STPG2: variants seen among roughly 807,000 people sequenced by gnomAD.
STPG2 encodes sperm tail PG-rich repeat containing 2.
In STPG2, 56 loss-of-function variants were observed where a neutral mutation model predicts 54.2. The ratio of observed to expected loss-of-function variants is 1.03; its 90% CI spans 0.83 to 1.29. STPG2 has a LOEUF of 1.29. STPG2 is among the 50% of genes most tolerant of loss of function. STPG2 has a pLI of 0.00. For missense variants in STPG2, 596 were observed against 544.9 expected (o/e 1.09, Z -0.93); for synonymous variants, 200 against 181.8 (o/e 1.10, Z -0.81).
intron 9 of STPG2, among the ~76,000 whole-genome samples, chr4:97,840,178 A>T (rs1037915180): frequency 6.6e-6 from 1 of 151,564 alleles, no homozygotes; most frequent in Non-Finnish European, 1.5e-5. Flanking sequence ...ATTTGAAAAA[A>T]AATAAAAATA....
chr4:97,454,483 G>A (rs1395385033), intron 4 of STPG2, among the ~76,000 whole-genome samples: 17 of 120,292 alleles, frequency 1.4e-4, no homozygotes, highest in Non-Finnish European at 1.8e-4. Context: ...ACTGCAGTCC[G>A]CAGTCCGGCC....
chr4:97,768,662 C>G (rs1726129846), intron 9 of STPG2, among the ~76,000 whole-genome samples: 1 of 151,690 alleles, frequency 6.6e-6, no homozygotes, highest in African/African-American at 2.4e-5. Flanking sequence ...ACTGCACATT[C>G]TCATAGACTG....
At chr4:97,478,103 T>C (rs562265089) in intron 4 of STPG2, among the ~76,000 whole-genome samples, 10 of 152,298 alleles carry the variant, frequency 6.6e-5, no homozygotes, top group Admixed American at 2.0e-4. Context: ...AGGTTGCTGG[T>C]ATTTCTGCAT....
intron 8 of STPG2, among the ~76,000 whole-genome samples, chr4:97,872,350 A>G (rs1034337823): frequency 2.6e-5 from 4 of 151,244 alleles, no homozygotes; most frequent in African/African-American, 4.8e-5. Context: ...CACTGTATCT[A>G]TTTGCAAATT....
intron 5 of STPG2, among the ~76,000 whole-genome samples, chr4:98,077,458 G>C (rs1738208390): frequency 6.6e-6 from 1 of 152,106 alleles, no homozygotes; most frequent in Non-Finnish European, 1.5e-5. Flanking sequence ...GGATGGTCTG[G>C]ATCTCCTGAC....
intron 9 of STPG2, among the ~76,000 whole-genome samples, chr4:97,829,148 C>T (rs1220580151): frequency 6.6e-6 from 1 of 152,022 alleles, no homozygotes. Context: ...GGTGGGTGCC[C>T]CTCTGGGACG....
At chr4:98,040,902 C>T (rs1736933105) in intron 5 of STPG2, among the ~76,000 whole-genome samples, 1 of 151,238 alleles carries the variant, frequency 6.6e-6, no homozygotes, top group Non-Finnish European at 1.5e-5. Context: ...AATCTGTAGA[C>T]TGCTTTAAGA....
chr4:97,465,992 G>C (rs1729780008), intron 4 of STPG2, among the ~76,000 whole-genome samples: 1 of 151,928 alleles, frequency 6.6e-6, no homozygotes, highest in South Asian at 2.1e-4. Context: ...CTCATTTTTA[G>C]AGTTTAGGAA....
intron 3 of STPG2, among the ~76,000 whole-genome samples, chr4:98,118,704 C>G (rs1233912853): frequency 6.6e-6 from 1 of 152,086 alleles, no homozygotes; most frequent in Non-Finnish European, 1.5e-5. Context: ...AAAGAAGTGG[C>G]TGATTGCAAG....
intron 5 of STPG2, among the ~76,000 whole-genome samples, chr4:98,023,766 TGC>T (rs943455632): frequency 1.3e-5 from 2 of 152,242 alleles, no homozygotes; most frequent in African/African-American, 4.8e-5. Flanking sequence ...GCTGCCACCT[TGC>T]AGTTTGATCT....
intron 9 of STPG2, among the ~76,000 whole-genome samples, chr4:97,716,961 A>G (rs893280091): frequency 6.6e-6 from 1 of 152,172 alleles, no homozygotes; most frequent in Non-Finnish European, 1.5e-5. Context: ...GAAAGTTTAT[A>G]CATTTATGGA....
intron 10 of STPG2, among the ~76,000 whole-genome samples, chr4:97,598,897 G>T (rs1733377945): frequency 6.6e-6 from 1 of 151,924 alleles, no homozygotes; most frequent in Non-Finnish European, 1.5e-5. Flanking sequence ...AAAAGCAACT[G>T]CAACAACAAC....
At chr4:97,710,885 G>A (rs1724091403) in intron 10 of STPG2, among the ~76,000 whole-genome samples, 1 of 152,008 alleles carries the variant, frequency 6.6e-6, no homozygotes, top group Non-Finnish European at 1.5e-5. Context: ...CTACCTTGAA[G>A]TTCAGTAAAT....
At chr4:97,945,896 A>C (rs966474974) in intron 7 of STPG2, among the ~76,000 whole-genome samples, 2 of 151,998 alleles carry the variant, frequency 1.3e-5, no homozygotes, top group African/African-American at 4.8e-5. Flanking sequence ...CTATCTCTAC[A>C]AAAAACACAA....
chr4:98,071,450 A>G (rs1738000715), intron 5 of STPG2, among the ~76,000 whole-genome samples: 1 of 134,082 alleles, frequency 7.5e-6, no homozygotes, highest in Non-Finnish European at 1.6e-5. Flanking sequence ...TGAAAACCCA[A>G]AACTATAAAA....
intron 7 of STPG2, among the ~76,000 whole-genome samples, chr4:97,955,180 G>C (rs1560608120): frequency 6.6e-6 from 1 of 150,678 alleles, no homozygotes; most frequent in Middle Eastern, 3.2e-3. Flanking sequence ...CTAAACTGTA[G>C]CATGAAAGCA....
intron 8 of STPG2, among the ~76,000 whole-genome samples, chr4:97,922,311 G>A (rs1732140613): frequency 2.0e-5 from 3 of 151,174 alleles, no homozygotes; most frequent in Admixed American, 2.0e-4. Context: ...TAGAAAAGCT[G>A]GAGAAAAAAA....
chr4:97,594,787 A>G (rs1254520650), intron 10 of STPG2, among the ~76,000 whole-genome samples: 1 of 152,174 alleles, frequency 6.6e-6, no homozygotes, highest in African/African-American at 2.4e-5. Flanking sequence ...TTAACAGAGG[A>G]CCCTTCAGCA....
At chr4:98,077,804 G>A (rs560150087) in intron 5 of STPG2, among the ~76,000 whole-genome samples, 15 of 152,186 alleles carry the variant, frequency 9.9e-5, no homozygotes, top group South Asian at 4.1e-4. Flanking sequence ...TTCCTACCCC[G>A]ACAGCGCTAA....
Sources: allele counts gnomAD v4.1 joint callset (sites outside exome capture counted in the v4.1 genomes callset), GRCh38; gene constraint gnomAD v4.1.1; transcripts MANE v1.5; gene names NCBI Gene and HGNC (gene_info 2026-07-23, HGNC 2026-07-21).